Variants in GRM8 observed in about 807,000 individuals in gnomAD.
GRM8 encodes the protein metabotropic glutamate receptor 8.
Under a neutral mutation model 87.2 loss-of-function variants are expected in GRM8, and 47 were observed. That is an observed-to-expected ratio of 0.54 (90% CI 0.43 to 0.69). The LOEUF is 0.69. Ranked by LOEUF, GRM8 falls within the 30% of genes least tolerant of loss-of-function variation. The pLI is 0.00. For synonymous variants in GRM8, 396 were observed against 404.5 expected (o/e 0.98, Z 0.25); for missense variants, 1,019 against 1,139.2 (o/e 0.89, Z 1.52).
chr7:126,571,051 C>CA (rs374513584), intron 8 of GRM8, among the ~76,000 whole-genome samples: 103 of 152,290 alleles, frequency 6.8e-4, no homozygotes, highest in African/African-American at 2.4e-3. Flanking sequence ...ACCACACTGA[C>CA]ACAGCTGGCC....
chr7:127,113,564 G>A (rs1422652177), intron 2 of GRM8, among the ~76,000 whole-genome samples: 4 of 152,018 alleles, frequency 2.6e-5, no homozygotes, highest in Non-Finnish European at 4.4e-5. Context: ...GTAGGTTGGC[G>A]GGGTGGGTTC....
intron 7 of GRM8, among the ~76,000 whole-genome samples, chr7:126,723,203 G>A (rs569800888): frequency 3.2e-4 from 49 of 151,496 alleles, no homozygotes; most frequent in African/African-American, 8.2e-4. Flanking sequence ...ATCTAACTGC[G>A]GGTGGCATTA....
chr7:127,151,216 C>T (rs76755765), intron 2 of GRM8, among the ~76,000 whole-genome samples: 2,330 of 152,016 alleles, frequency 0.015, 51 homozygotes, highest in African/African-American at 0.052. Context: ...TTTTAGTCCT[C>T]ACAGGTTATG....
intron 8 of GRM8, among the ~76,000 whole-genome samples, chr7:126,601,662 T>A: frequency 6.7e-6 from 1 of 148,776 alleles, no homozygotes; most frequent in East Asian, 2.0e-4. Context: ...TGGTTTTGAT[T>A]TGCATTTCTC....
intron 7 of GRM8, among the ~76,000 whole-genome samples, chr7:126,648,494 T>C: frequency 6.6e-6 from 1 of 152,232 alleles, no homozygotes; most frequent in Non-Finnish European, 1.5e-5. Flanking sequence ...ACACCCATGA[T>C]TCCTCTGTGG....
chr7:127,181,724 A>G (rs1726134793), intron 2 of GRM8, among the ~76,000 whole-genome samples: 1 of 152,002 alleles, frequency 6.6e-6, no homozygotes, highest in Non-Finnish European at 1.5e-5. Context: ...TCAACAAAGT[A>G]AACAAAAACA....
At chr7:126,493,869 G>A (rs1808356726) in intron 9 of GRM8, among the ~76,000 whole-genome samples, 1 of 151,990 alleles carries the variant, frequency 6.6e-6, no homozygotes, top group Non-Finnish European at 1.5e-5. Flanking sequence ...ATTAGACAAA[G>A]GCACTAGGAA....
intron 9 of GRM8, among the ~76,000 whole-genome samples, chr7:126,524,200 A>G (rs1302048769): frequency 6.6e-6 from 1 of 152,200 alleles, no homozygotes; most frequent in East Asian, 1.9e-4. Context: ...CTTCTGGATC[A>G]TATGTGATTG....
At chr7:127,150,966 G>GT (rs998645748) in intron 2 of GRM8, among the ~76,000 whole-genome samples, 5 of 151,984 alleles carry the variant, frequency 3.3e-5, no homozygotes, top group African/African-American at 7.2e-5. Context: ...TTGTTTTTTT[G>GT]TTTTTTGCAG....
At chr7:127,105,953 T>A (rs1057109564) in intron 3 of GRM8, among the ~76,000 whole-genome samples, 6 of 152,218 alleles carry the variant, frequency 3.9e-5, no homozygotes, top group African/African-American at 1.4e-4. Context: ...AACAAGTTTT[T>A]ACATCTTGTC....
At chr7:126,590,351 A>G (rs1305469981) in intron 8 of GRM8, among the ~76,000 whole-genome samples, 2 of 152,010 alleles carry the variant, frequency 1.3e-5, no homozygotes, top group African/African-American at 4.8e-5. Context: ...AATTTAAAAA[A>G]ATGAACAAAG....
chr7:126,825,024 G>C (rs983063264), intron 6 of GRM8, among the ~76,000 whole-genome samples: 1 of 152,194 alleles, frequency 6.6e-6, no homozygotes, highest in Non-Finnish European at 1.5e-5. Context: ...TTTGGTGTCT[G>C]TTGCTGCATC....
intron 6 of GRM8, among the ~76,000 whole-genome samples, chr7:126,835,327 G>A (rs543187510): frequency 1.3e-5 from 2 of 152,140 alleles, no homozygotes; most frequent in Non-Finnish European, 2.9e-5. Context: ...TAAGCAAGTA[G>A]AAAATAATGC....
At chr7:126,997,281 A>G (rs1218985417) in intron 3 of GRM8, among the ~76,000 whole-genome samples, 1 of 151,896 alleles carries the variant, frequency 6.6e-6, no homozygotes, top group Non-Finnish European at 1.5e-5. Flanking sequence ...CACAACTCAT[A>G]AGATACAGCA....
At chr7:126,917,528 T>C (rs1165978676) in intron 3 of GRM8, among the ~76,000 whole-genome samples, 1 of 152,154 alleles carries the variant, frequency 6.6e-6, no homozygotes, top group Non-Finnish European at 1.5e-5. Flanking sequence ...AATATCTAAT[T>C]TCAGCTTCAT....
At chr7:126,575,204 C>T (rs1240265841) in intron 8 of GRM8, among the ~76,000 whole-genome samples, 1 of 151,364 alleles carries the variant, frequency 6.6e-6, no homozygotes, top group Non-Finnish European at 1.5e-5. Context: ...GCACAGGCAT[C>T]AGATTCTCAT....
At chr7:126,852,824 AT>A (rs1429706469) in intron 6 of GRM8, among the ~76,000 whole-genome samples, 6 of 152,072 alleles carry the variant, frequency 3.9e-5, no homozygotes, top group Non-Finnish European at 7.4e-5. Context: ...ATATATTTGT[AT>A]GCTTAAATAT....
rs57135712 is a variant in GRM8 at position 127,169,000 on chromosome 7, TAA to T, written c.511-62290_511-62289del. On this transcript the variant is annotated intron_variant, in intron 2 of 10. Transcript: ENST00000339582. Reference sequence around the variant, plus strand: ...TTCTGCACATGTACTGCAGAAACTATAAAAAAAAAAAAAACCTCTAACTTTTA... The same window carrying T: ...TTCTGCACATGTACTGCAGAAACTATAAAAAAAAAAAACCTCTAACTTTTA... Among the ~76,000 whole-genome samples, 180 of 140,700 alleles carry T rather than the reference TAA, an allele frequency of 1.3e-3. 1 individual carries two copies. The highest frequency in any genetic ancestry group is 3.3e-3 in the African/African-American group (125 of 38,272). The allele number at this position is 140,700 out of a possible 152,430, so 92.3% of individuals were successfully genotyped here.
Position 127,106,716 on chromosome 7 carries a change from C to T in GRM8, c.511-4G>A. ...ATGCATAGCTGATTTGAGGTATCTG[C>T]AAAACAAATGATGGGTCATTTCAAC... is the stretch of plus-strand genomic sequence containing the variant. On this transcript the variant is annotated splice_polypyrimidine_tract_variant and splice_region_variant and intron_variant, in intron 2 of 10. Coordinates refer to ENST00000339582, the MANE Select transcript of GRM8 (RefSeq NM_000845.3). 1 of 1,590,712 alleles carries T rather than the reference C, an allele frequency of 6.3e-7. No homozygotes were observed. The highest frequency in any genetic ancestry group is 8.6e-7 in the Non-Finnish European group (1 of 1,158,814).
Sources: allele counts gnomAD v4.1 joint callset (sites outside exome capture counted in the v4.1 genomes callset), GRCh38; gene constraint gnomAD v4.1.1; transcripts MANE v1.5; gene names NCBI Gene and HGNC (gene_info 2026-07-23, HGNC 2026-07-21).